EDIL3: variants seen among roughly 807,000 people sequenced by gnomAD.
The protein encoded by EDIL3 is EGF like and discoidin domains 3, also known as EGF-like repeat and discoidin I-like domain-containing protein 3.
EDIL3 carries 37 observed loss-of-function variants against 67.4 expected under a neutral mutation model. The ratio of observed to expected loss-of-function variants is 0.55; its 90% confidence interval spans 0.42 to 0.72. The LOEUF is 0.72. EDIL3 is among the 30% of genes least tolerant of loss of function. EDIL3 has a pLI of 0.00. For synonymous variants in EDIL3, 195 were observed against 196.3 expected, an observed-to-expected ratio of 0.99 and a Z score of 0.05; for missense variants, 527 against 586.3, an observed-to-expected ratio of 0.90 and a Z score of 1.04.
At chr5:84,195,275 T>C (rs1312565118) in intron 3 of EDIL3, among the ~76,000 whole-genome samples, 3 of 151,958 alleles carry the variant, frequency 2.0e-5, no homozygotes, top group South Asian at 4.1e-4. Flanking sequence ...AAATATAATA[T>C]CTTAAATAAT....
chr5:84,056,726 A>G (rs549236969), intron 9 of EDIL3, among the ~76,000 whole-genome samples: 1 of 152,202 alleles, frequency 6.6e-6, no homozygotes, highest in Non-Finnish European at 1.5e-5. Flanking sequence ...ATTGATAATG[A>G]AGGAAGGGAA....
At chr5:84,018,514 T>C (rs1229791456) in intron 9 of EDIL3, among the ~76,000 whole-genome samples, 1 of 152,150 alleles carries the variant, frequency 6.6e-6, no homozygotes, top group Non-Finnish European at 1.5e-5. Flanking sequence ...GTCCTCGCTC[T>C]CACATTTGCC....
chr5:84,214,536 T>C (rs936154248), intron 3 of EDIL3, among the ~76,000 whole-genome samples: 1 of 152,192 alleles, frequency 6.6e-6, no homozygotes, highest in Non-Finnish European at 1.5e-5. Context: ...TTTCAATATC[T>C]GGTTGCTTGA....
chr5:84,243,974 T>C (rs1744856791), intron 2 of EDIL3, among the ~76,000 whole-genome samples: 1 of 152,214 alleles, frequency 6.6e-6, no homozygotes, highest in Non-Finnish European at 1.5e-5. Context: ...CTTTGATATA[T>C]GTTAAACAAT....
At position 84,149,320 on chromosome 5, in the gene EDIL3, A is replaced by T. The variant is rs116141139; in HGVS notation, c.356-11966T>A. Among the ~76,000 whole-genome samples, 1,304 of 152,172 alleles carry T rather than the reference A, an allele frequency of 8.6e-3. 24 individuals are homozygous for T. The highest frequency in any genetic ancestry group is 0.029 in the African/African-American group (1,203 of 41,532). Reference sequence around the variant, plus strand: ...CCTGGGGAAAGAGTCATCTGAATAGACCAGAGGGAGCAATACTTGGAGCCC... The same window carrying T: ...CCTGGGGAAAGAGTCATCTGAATAGTCCAGAGGGAGCAATACTTGGAGCCC... On this transcript the variant is annotated intron_variant, in intron 4 of 10. Transcript: ENST00000296591.
intron 9 of EDIL3, among the ~76,000 whole-genome samples, chr5:83,973,209 T>C (rs1402542753): frequency 6.6e-6 from 1 of 152,026 alleles, no homozygotes; most frequent in Non-Finnish European, 1.5e-5. Context: ...ACTTATTACA[T>C]GAATAAAAAA....
intron 1 of EDIL3, among the ~76,000 whole-genome samples, chr5:84,263,761 G>A (rs1745283509): frequency 6.6e-6 from 1 of 152,188 alleles, no homozygotes; most frequent in Admixed American, 6.5e-5. Context: ...ACCTGATGAT[G>A]TAGGTGCTGA....
At chr5:84,353,082 T>C (rs1747397390) in intron 1 of EDIL3, among the ~76,000 whole-genome samples, 1 of 152,116 alleles carries the variant, frequency 6.6e-6, no homozygotes, top group Non-Finnish European at 1.5e-5. Context: ...TCAATGTGAA[T>C]AGCTGCTGCA....
chr5:84,147,519 C>T (rs1453973314), intron 4 of EDIL3, among the ~76,000 whole-genome samples: 3 of 151,860 alleles, frequency 2.0e-5, no homozygotes, highest in East Asian at 1.9e-4. Flanking sequence ...ACTCTTATCA[C>T]CAATTAATAC....
intron 6 of EDIL3, among the ~76,000 whole-genome samples, chr5:84,067,185 A>C (rs1410567198): frequency 6.6e-6 from 1 of 152,180 alleles, no homozygotes; most frequent in African/African-American, 2.4e-5. Flanking sequence ...AAAAAATTAA[A>C]TGATTGCTTT....
chr5:84,362,903 T>C (rs1377536979), intron 1 of EDIL3, among the ~76,000 whole-genome samples: 2 of 152,184 alleles, frequency 1.3e-5, no homozygotes, highest in Non-Finnish European at 2.9e-5. Flanking sequence ...AGATGATCTA[T>C]GTCACTTCCC....
chr5:84,252,060 T>TATCC (rs1236506224), intron 2 of EDIL3, among the ~76,000 whole-genome samples: 1 of 152,204 alleles, frequency 6.6e-6, no homozygotes, highest in African/African-American at 2.4e-5. Flanking sequence ...TTTCCCAAAG[T>TATCC]CACACTGAAC....
At chr5:84,118,998 AG>A (rs1318020400) in intron 5 of EDIL3, among the ~76,000 whole-genome samples, 2 of 152,130 alleles carry the variant, frequency 1.3e-5, no homozygotes, top group Non-Finnish European at 2.9e-5. Flanking sequence ...TTGTTTCATA[AG>A]TTTGAAAGAA....
intron 6 of EDIL3, among the ~76,000 whole-genome samples, chr5:84,093,518 T>G (rs962666958): frequency 2.6e-5 from 4 of 152,054 alleles, no homozygotes; most frequent in African/African-American, 4.8e-5. Context: ...AGCTGGTCAA[T>G]AGATGAACCA....
At chr5:84,038,700 C>T (rs146673579) in intron 9 of EDIL3, among the ~76,000 whole-genome samples, 26 of 152,292 alleles carry the variant, frequency 1.7e-4, no homozygotes, top group African/African-American at 5.5e-4. Context: ...AGTAGAGCTG[C>T]TGTGGAAAAA....
Position 84,362,868 on chromosome 5 carries a change from G to C in EDIL3, c.67+21440C>G, listed in dbSNP as rs543048925. Among the ~76,000 whole-genome samples, 10 of 152,126 alleles carry C rather than the reference G, an allele frequency of 6.6e-5. No individual in the cohort carries two copies. In the South Asian group the frequency reaches 2.1e-3, roughly 32 times the overall value. On this transcript the variant is annotated intron_variant, in intron 1 of 10. Coordinates refer to ENST00000296591, the MANE Select transcript of EDIL3 (RefSeq NM_005711.5). ...CAAAACAAAATAAATAACTTGCTTAGAAATAATAATAAAAAATTAGTTTAA... is the reference window on the plus strand; with the variant it reads ...CAAAACAAAATAAATAACTTGCTTACAAATAATAATAAAAAATTAGTTTAA...
Position 84,176,770 on chromosome 5 carries a change from T to TGTGC in EDIL3, c.355+3622_355+3623insGCAC, listed in dbSNP as rs72470285. Among the ~76,000 whole-genome samples, 195 of 149,714 alleles carry TGTGC rather than the reference T, an allele frequency of 1.3e-3. 1 individual carries two copies. The highest frequency in any genetic ancestry group is 4.5e-3 in the African/African-American group (182 of 40,660). On this transcript the variant is annotated intron_variant, in intron 4 of 10. Transcript: ENST00000296591. ...GTGTGTATATATGTGTGTGTGTGTGTGCCTGTGTGTGAGCGCATGCGTGTG... is the reference window on the plus strand; with the variant it reads ...GTGTGTATATATGTGTGTGTGTGTGTGTGCGCCTGTGTGTGAGCGCATGCGTGTG...
intron 5 of EDIL3, among the ~76,000 whole-genome samples, chr5:84,113,046 A>C (rs903452149): frequency 4.6e-5 from 7 of 152,178 alleles, no homozygotes; most frequent in African/African-American, 1.7e-4. Flanking sequence ...ATTTAAAAAA[A>C]ATGTAACTGA....
At chr5:84,064,622 G>A (rs1171995942) in intron 8 of EDIL3, 78 bp downstream of exon 8, 27 of 1,462,710 alleles carry the variant, frequency 1.8e-5, no homozygotes, top group Non-Finnish European at 2.4e-5. Context: ...TGAATTTGTA[G>A]GTTAGTAACA....
Sources: allele counts gnomAD v4.1 joint callset (sites outside exome capture counted in the v4.1 genomes callset), GRCh38; gene constraint gnomAD v4.1.1; transcripts MANE v1.5; gene names NCBI Gene and HGNC (gene_info 2026-07-23, HGNC 2026-07-21).